The following PCDH15 variants were observed in gnomAD, a reference collection of about 807,000 sequenced individuals.
PCDH15 encodes the protein protocadherin-15.
A neutral mutation model predicts 178.5 loss-of-function variants in PCDH15; 129 were observed. That is an observed-to-expected ratio of 0.72 (90% CI 0.63 to 0.84). The LOEUF is 0.84. Among genes scored for constraint, PCDH15 ranks in the 40% least tolerant of loss-of-function variants. PCDH15 has a pLI of 0.00. For synonymous variants in PCDH15, 800 were observed against 732.0 expected (o/e 1.09, Z -1.50); for missense variants, 2,230 against 2,099.9 (o/e 1.06, Z -1.21).
intron 2 of PCDH15, among the ~76,000 whole-genome samples, chr10:55,021,263 T>A (rs1201481808): frequency 1.3e-5 from 2 of 152,212 alleles, no homozygotes; most frequent in Non-Finnish European, 2.9e-5. Flanking sequence ...TCTGGTATTA[T>A]TTTTCTCCAA....
intron 1 of PCDH15, among the ~76,000 whole-genome samples, chr10:55,174,181 T>C (rs1839417160): frequency 6.6e-6 from 1 of 152,202 alleles, no homozygotes; most frequent in Non-Finnish European, 1.5e-5. Context: ...AGGCATCTTT[T>C]AGTTTGGAAT....
intron 1 of PCDH15, among the ~76,000 whole-genome samples, chr10:54,732,437 A>C (rs1943542551): frequency 6.6e-6 from 1 of 151,530 alleles, no homozygotes; most frequent in Admixed American, 6.6e-5. Context: ...AAATTCACCA[A>C]CAAATATAAA....
chr10:55,419,285 A>G (rs1838560501), intron 2 of PCDH15, among the ~76,000 whole-genome samples: 1 of 151,782 alleles, frequency 6.6e-6, no homozygotes, highest in Non-Finnish European at 1.5e-5. Context: ...TCTATGTGGG[A>G]TAATACCATG....
intron 8 of PCDH15, among the ~76,000 whole-genome samples, chr10:54,262,871 TG>T (rs1363391770): frequency 6.6e-6 from 1 of 151,948 alleles, no homozygotes; most frequent in Non-Finnish European, 1.5e-5. Context: ...AAAGCCTAGT[TG>T]GTTGGGCTTG....
chr10:54,439,972 T>A (rs1226835505), intron 3 of PCDH15, among the ~76,000 whole-genome samples: 1 of 152,050 alleles, frequency 6.6e-6, no homozygotes, highest in African/African-American at 2.4e-5. Context: ...GTTTTCCACC[T>A]TGCAACATAA....
intron 2 of PCDH15, among the ~76,000 whole-genome samples, chr10:55,143,338 A>G (rs1036339948): frequency 5.3e-5 from 8 of 152,158 alleles, no homozygotes; most frequent in Non-Finnish European, 1.0e-4. Context: ...TAAAAATATT[A>G]CTACAGAAGT....
At chr10:55,394,236 T>G (rs1260330374) in intron 2 of PCDH15, among the ~76,000 whole-genome samples, 1 of 151,870 alleles carries the variant, frequency 6.6e-6, no homozygotes. Context: ...TTTTTTTATG[T>G]TACTACTATT....
upstream of PCDH15, among the ~76,000 whole-genome samples, chr10:54,802,061 T>C (rs930664024): frequency 6.6e-6 from 1 of 152,288 alleles, no homozygotes; most frequent in African/African-American, 2.4e-5. Context: ...TTTAGGAACA[T>C]ATTTTAGTAG....
chr10:54,401,134 C>T (rs1352232856), intron 3 of PCDH15, among the ~76,000 whole-genome samples: 1 of 151,848 alleles, frequency 6.6e-6, no homozygotes, highest in Admixed American at 6.6e-5. Context: ...AGAGATAGTG[C>T]CTGGCTCTTG....
At chr10:54,538,364 G>T (rs2084810423) in intron 2 of PCDH15, among the ~76,000 whole-genome samples, 1 of 145,148 alleles carries the variant, frequency 6.9e-6, no homozygotes, top group Non-Finnish European at 1.5e-5. Context: ...TGTTGAATAG[G>T]GGGTACTTTC....
At chr10:54,289,325 A>T (rs1442162665) in intron 8 of PCDH15, among the ~76,000 whole-genome samples, 2 of 152,238 alleles carry the variant, frequency 1.3e-5, no homozygotes, top group African/African-American at 4.8e-5. Context: ...ATCAACATCA[A>T]CAAAGCAGAA....
chr10:53,958,998 A>T (rs1456322484), intron 23 of PCDH15, among the ~76,000 whole-genome samples: 2 of 149,798 alleles, frequency 1.3e-5, no homozygotes, highest in Non-Finnish European at 3.0e-5. Flanking sequence ...AAAAAAAAAA[A>T]AAAAAAGAAC....
At chr10:55,227,243 G>A (rs1841075070) in intron 1 of PCDH15, among the ~76,000 whole-genome samples, 1 of 152,006 alleles carries the variant, frequency 6.6e-6, no homozygotes, top group Non-Finnish European at 1.5e-5. Flanking sequence ...AAAACTAGAA[G>A]AAAATCGATA....
intron 2 of PCDH15, among the ~76,000 whole-genome samples, chr10:55,030,077 T>G (rs758279833): frequency 8.5e-4 from 130 of 152,278 alleles, no homozygotes; most frequent in Non-Finnish European, 6.6e-4. Context: ...CTTACACAAG[T>G]TAGGCTGATG....
intron 2 of PCDH15, among the ~76,000 whole-genome samples, chr10:55,060,715 G>A (rs566729826): frequency 2.6e-5 from 4 of 151,862 alleles, no homozygotes; most frequent in African/African-American, 4.8e-5. Flanking sequence ...TCAAAAAAAC[G>A]ATTTTATATG....
At chr10:54,900,223 G>A (rs772260313) in intron 2 of PCDH15, among the ~76,000 whole-genome samples, 1 of 151,906 alleles carries the variant, frequency 6.6e-6, no homozygotes, top group Non-Finnish European at 1.5e-5. Flanking sequence ...GCACTTACTT[G>A]GCAGCAATAC....
chr10:54,625,914 C>T (rs540219250), intron 2 of PCDH15, among the ~76,000 whole-genome samples: 2 of 152,184 alleles, frequency 1.3e-5, no homozygotes, highest in Non-Finnish European at 2.9e-5. Flanking sequence ...ATAGCTTTGA[C>T]AAAAATGCTG....
At chr10:54,802,935 G>A (rs972278414), upstream of PCDH15, among the ~76,000 whole-genome samples, 2 of 152,124 alleles carry the variant, frequency 1.3e-5, no homozygotes, top group African/African-American at 4.8e-5. Flanking sequence ...ACTTGTCAAT[G>A]ACAACAGCTG....
intron 3 of PCDH15, among the ~76,000 whole-genome samples, chr10:54,851,952 G>T (rs1226703754): frequency 1.3e-5 from 2 of 152,038 alleles, no homozygotes; most frequent in African/African-American, 4.8e-5. Flanking sequence ...CTGGTAAATT[G>T]GCCACTTTTT....
Sources: allele counts gnomAD v4.1 joint callset (sites outside exome capture counted in the v4.1 genomes callset), GRCh38; gene constraint gnomAD v4.1.1; transcripts MANE v1.5; gene names NCBI Gene and HGNC (gene_info 2026-07-23, HGNC 2026-07-21).